Variants in IQANK1 observed in about 807,000 individuals in gnomAD.
IQANK1 encodes IQ motif and ankyrin repeat domain-containing protein 1.
In IQANK1, 30 loss-of-function variants were observed where a neutral mutation model predicts 22.6. The ratio of observed to expected loss-of-function variants is 1.33; its 90% CI spans 0.99 to 1.80. The LOEUF (loss-of-function observed/expected upper bound fraction) is 1.80, where lower values mean the gene tolerates loss of function less well. Among genes scored for constraint, IQANK1 ranks in the 40% most tolerant of loss-of-function variants. The pLI is 0.00. For missense variants in IQANK1, 275 were observed against 235.2 expected (o/e 1.17, Z -1.11); for synonymous variants, 122 against 99.6 (o/e 1.23, Z -1.34).
intron 7 of IQANK1, among the ~76,000 whole-genome samples, chr8:143,787,335 T>C (rs1282372386): frequency 1.3e-5 from 2 of 152,166 alleles, no homozygotes; most frequent in African/African-American, 2.4e-5. Flanking sequence ...GGTTAGCCTG[T>C]GGATCCATCA....
Position 143,771,736 on chromosome 8 carries a change from A to G in IQANK1, c.307-65A>G. On this transcript the variant is annotated intron_variant, in intron 4 of 13. Coordinates refer to ENST00000527139, the MANE Select transcript of IQANK1 (RefSeq NM_001381874.1). The surrounding 1 kb of genome is among the most constrained non-coding windows in gnomAD (Gnocchi z 6.0). ...TCGGGCTCCGACCTCAGAGGCGTGGACCGTGGCCTCGGGGCTCGGGGCGGT... is the reference window on the plus strand; with the variant it reads ...TCGGGCTCCGACCTCAGAGGCGTGGGCCGTGGCCTCGGGGCTCGGGGCGGT... The G allele has an allele frequency of 7.6e-6, 3 of 395,808 alleles. No individual in the cohort carries two copies. The allele number at this position is 395,808 out of a possible 1,614,324, so 24.5% of individuals were successfully genotyped here. A position where few individuals can be genotyped will look rare whatever the true frequency, so the allele number is the denominator to read the frequency against.
rs1257139578 is a variant in IQANK1, at chr8:143,748,693, CATATATAA to C, written c.175+8761_175+8768del. Among the ~76,000 whole-genome samples the C allele has an allele frequency of 2.8e-4, 31 of 109,580 alleles. No homozygotes were observed. The East Asian group carries it at 3.7e-3, about 13-fold the overall frequency. 71.9% of individuals were successfully genotyped at this position (109,580 alleles called of 152,430 possible). A position where few individuals can be genotyped will look rare whatever the true frequency, so the allele number is the denominator to read the frequency against. Reference sequence around the variant, plus strand: ...ATATATAAATATATATCATATATATCATATATAAATATATAAATATATATCATATATAT... The same window carrying C: ...ATATATAAATATATATCATATATATCATATATAAATATATATCATATATAT... On this transcript the variant is annotated intron_variant, in intron 3 of 13. Transcript: ENST00000527139.
At chr8:143,760,813 GC>G (rs1355399588) in intron 3 of IQANK1, among the ~76,000 whole-genome samples, 1 of 152,258 alleles carries the variant, frequency 6.6e-6, no homozygotes, top group Non-Finnish European at 1.5e-5. Flanking sequence ...CCGGGTTGGA[GC>G]AGAGGAGCAG....
chr8:143,763,082 T>C (rs1474484351), intron 3 of IQANK1, among the ~76,000 whole-genome samples: 2 of 152,126 alleles, frequency 1.3e-5, no homozygotes, highest in African/African-American at 4.8e-5. Flanking sequence ...AGTGGTGCGA[T>C]CTCAGCTCAC....
intron 7 of IQANK1, among the ~76,000 whole-genome samples, chr8:143,775,355 G>GACAC (rs1216128730): frequency 1.7e-4 from 17 of 99,542 alleles, no homozygotes; most frequent in African/African-American, 3.9e-4. Context: ...CACACACACA[G>GACAC]ACACACACAC....
intron 3 of IQANK1, among the ~76,000 whole-genome samples, chr8:143,749,089 TA>T (rs1486412818): frequency 2.4e-5 from 3 of 122,518 alleles, no homozygotes; most frequent in Non-Finnish European, 4.7e-5. Context: ...TAAATGTATA[TA>T]AATATATAGC....
At position 143,771,340 on chromosome 8, in the gene IQANK1, C is replaced by A; in HGVS notation, c.176-148C>A. ...CTCGTGCGGCCTCTGCGGGCGGGAA[C>A]CCCGGCTCGGCCGCGCTGGGGGCTT... On this transcript the variant is annotated intron_variant, in intron 3 of 13. Coordinates refer to ENST00000527139, the MANE Select transcript of IQANK1 (RefSeq NM_001381874.1). This position sits in a 1 kb window ranked among gnomAD's most constrained non-coding sequence, Gnocchi z 6.0. 2.6e-6 allele frequency: 1 copy of A among 390,718 alleles called. No homozygotes were observed. Among genetic ancestry groups the A allele is most frequent in the East Asian group, 3.6e-5 (1 of 27,554 alleles). The allele number at this position is 390,718 out of a possible 1,614,324, so 24.2% of individuals were successfully genotyped here. A position where few individuals can be genotyped will look rare whatever the true frequency, so the allele number is the denominator to read the frequency against.
chr8:143,739,844 G>T lies in IQANK1; in HGVS notation c.86-15G>T. On this transcript the variant is annotated splice_polypyrimidine_tract_variant and intron_variant, in intron 2 of 13. Coordinates refer to ENST00000527139, the MANE Select transcript of IQANK1 (RefSeq NM_001381874.1). ...GTCTCTCATCCCAAGCTCACTGACGGTCGTTTTCCCTTAGGGAAGCCCGGG... is the reference window on the plus strand; with the variant it reads ...GTCTCTCATCCCAAGCTCACTGACGTTCGTTTTCCCTTAGGGAAGCCCGGG... The T allele has an allele frequency of 4.3e-6, 3 of 690,148 alleles. No individual in the cohort carries two copies. Among genetic ancestry groups the T allele is most frequent in the Non-Finnish European group, 7.9e-6 (3 of 378,492 alleles). 42.8% of individuals were successfully genotyped at this position (690,148 alleles called of 1,614,324 possible).
intron 3 of IQANK1, 40 bp downstream of exon 3, chr8:143,739,988 G>T (rs1433572724): frequency 1.5e-6 from 1 of 670,938 alleles, no homozygotes; most frequent in African/African-American, 1.8e-5. Flanking sequence ...GGGTGACCGG[G>T]TGAGCTGTTG....
intron 3 of IQANK1, among the ~76,000 whole-genome samples, chr8:143,762,309 A>AAAGGAAGG (rs1173151205): frequency 1.3e-5 from 2 of 149,476 alleles, no homozygotes; most frequent in South Asian, 2.1e-4. Context: ...AACTCCATCT[A>AAAGGAAGG]AAGGAAGGAA....
chr8:143,749,299 T>C (rs1819131878), intron 3 of IQANK1, among the ~76,000 whole-genome samples: 1 of 111,292 alleles, frequency 9.0e-6, no homozygotes, highest in Admixed American at 1.2e-4. Context: ...ATATATAATA[T>C]ATAAAAATAT....
chr8:143,775,763 AAAAC>A (rs1487858951), intron 7 of IQANK1, among the ~76,000 whole-genome samples: 1 of 148,482 alleles, frequency 6.7e-6, no homozygotes, highest in Non-Finnish European at 1.5e-5. Context: ...TTCCGCCTCA[AAAAC>A]AAAAAAACTA....
At chr8:143,752,362 T>A (rs1023629435) in intron 3 of IQANK1, among the ~76,000 whole-genome samples, 1 of 152,238 alleles carries the variant, frequency 6.6e-6, no homozygotes, top group African/African-American at 2.4e-5. Context: ...ATCCCTTGTA[T>A]GTGACAAGTT....
intron 1 of IQANK1, among the ~76,000 whole-genome samples, chr8:143,734,831 C>T (rs564560450): frequency 5.3e-4 from 81 of 151,898 alleles, no homozygotes; most frequent in Middle Eastern, 6.8e-3. Flanking sequence ...CAGACGCCCC[C>T]CCATGTACAC....
intron 7 of IQANK1, among the ~76,000 whole-genome samples, chr8:143,785,592 C>T (rs1289848748): frequency 6.6e-6 from 1 of 152,018 alleles, no homozygotes; most frequent in Admixed American, 6.6e-5. Context: ...CAGGGTCTTG[C>T]TCTGTCACCC....
intron 7 of IQANK1, among the ~76,000 whole-genome samples, chr8:143,788,677 GCTTGGA>G (rs782418800): frequency 6.6e-6 from 1 of 152,154 alleles, no homozygotes; most frequent in Non-Finnish European, 1.5e-5. Flanking sequence ...GCAGGTTCCT[GCTTGGA>G]CTTGGTCAGG....
intron 7 of IQANK1, among the ~76,000 whole-genome samples, chr8:143,772,931 T>C (rs549528907): frequency 6.6e-6 from 1 of 152,146 alleles, no homozygotes; most frequent in Non-Finnish European, 1.5e-5. Flanking sequence ...TGTCAGTACG[T>C]CGGTTTTCCA....
At position 143,789,465 on chromosome 8, in the gene IQANK1, G is replaced by C. The variant is rs1358749104; in HGVS notation, c.1023G>C (p.Arg341=). 8.1e-7 allele frequency: 1 copy of C among 1,232,102 alleles called. No homozygotes were observed. The highest frequency in any genetic ancestry group is 1.6e-5 in the African/African-American group (1 of 64,410). 76.3% of individuals were successfully genotyped at this position (1,232,102 alleles called of 1,614,324 possible). ...ELQQAYCELS[R]RISEHDQCEW... is the part of the protein sequence containing the mutation. The stretch of plus-strand genomic sequence containing the variant: ...AACAGGCCTACTGTGAGCTTAGCCG[G>C]AGGATCTCAGAGCACGACCAGTGTG... Residue 341 remains arginine (R), a synonymous_variant, in exon 10 of 14, where the codon CGG becomes CGC. Transcript: ENST00000527139.
At chr8:143,778,987 G>A (rs1315714559) in intron 7 of IQANK1, among the ~76,000 whole-genome samples, 2 of 152,206 alleles carry the variant, frequency 1.3e-5, no homozygotes, top group African/African-American at 4.8e-5. Context: ...AGCTGGTTTC[G>A]AACTCCTGAC....
Sources: gnomAD v4.1 joint callset for allele counts (sites outside exome capture counted in the v4.1 genomes callset) on GRCh38, gnomAD v4.1.1 for gene constraint, Gnocchi (gnomAD v3.1) non-coding constraint, MANE v1.5 for transcripts, NCBI Gene and HGNC (gene_info 2026-07-23, HGNC 2026-07-21) for gene names.